The following PRKCH variants were observed in gnomAD, a reference collection of about 807,000 sequenced individuals.
The protein encoded by PRKCH is protein kinase C eta type.
A neutral mutation model predicts 82.5 loss-of-function variants in PRKCH; 28 were observed. The ratio of observed to expected loss-of-function variants is 0.34; its 90% CI spans 0.25 to 0.47. PRKCH has a LOEUF of 0.47. Among genes scored for constraint, PRKCH ranks in the 20% least tolerant of loss-of-function variants. PRKCH has a pLI of 1.00. For missense variants in PRKCH, 705 were observed against 881.8 expected, an observed-to-expected ratio of 0.80 and a Z score of 2.54; for synonymous variants, 322 against 327.4, an observed-to-expected ratio of 0.98 and a Z score of 0.18.
At chr14:61,282,327 GA>G (rs1175540971) in intron 1 of PRKCH, among the ~76,000 whole-genome samples, 1 of 150,390 alleles carries the variant, frequency 6.6e-6, no homozygotes, top group Non-Finnish European at 1.5e-5. Context: ...GGGGTATTGG[GA>G]CGTTCTGATT....
At chr14:61,270,597 G>T (rs976373396) in intron 1 of PRKCH, among the ~76,000 whole-genome samples, 11 of 152,158 alleles carry the variant, frequency 7.2e-5, no homozygotes, top group Non-Finnish European at 7.3e-5. Context: ...TAATGAGGTC[G>T]CAAATGCTTA....
intron 1 of PRKCH, among the ~76,000 whole-genome samples, chr14:61,365,643 A>G (rs2046288612): frequency 6.6e-6 from 1 of 152,034 alleles, no homozygotes; most frequent in Non-Finnish European, 1.5e-5. Context: ...TTTAAACTGC[A>G]GGCATCTGTG....
chr14:61,250,814 T>C (rs1465366970), intron 1 of PRKCH, among the ~76,000 whole-genome samples: 1 of 152,132 alleles, frequency 6.6e-6, no homozygotes, highest in East Asian at 1.9e-4. Context: ...GGGGAGGTTG[T>C]AGGCATGTGG....
chr14:61,384,441 G>A (rs767445340), intron 1 of PRKCH, among the ~76,000 whole-genome samples: 1 of 150,902 alleles, frequency 6.6e-6, no homozygotes, highest in Non-Finnish European at 1.5e-5. Flanking sequence ...GTGGGGTCTG[G>A]GAATCTTATA....
intron 1 of PRKCH, among the ~76,000 whole-genome samples, chr14:61,331,957 A>G (rs937260598): frequency 2.6e-5 from 4 of 152,226 alleles, no homozygotes; most frequent in African/African-American, 9.6e-5. Context: ...TTGGTTTAGA[A>G]TCAGCCTTAA....
intron 2 of PRKCH, among the ~76,000 whole-genome samples, chr14:61,395,250 G>T (rs567199142): frequency 6.7e-6 from 1 of 149,308 alleles, no homozygotes; most frequent in East Asian, 2.0e-4. Flanking sequence ...TGCAGAGGAC[G>T]TGATGGCTGC....
At chr14:61,290,185 G>A (rs563091682) in intron 1 of PRKCH, among the ~76,000 whole-genome samples, 9 of 151,944 alleles carry the variant, frequency 5.9e-5, no homozygotes, top group Non-Finnish European at 8.8e-5. Flanking sequence ...CTAGCTACTC[G>A]GAAGGCTGAG....
chr14:61,197,884 A>C (rs2044451950), intron 1 of PRKCH, among the ~76,000 whole-genome samples: 1 of 152,198 alleles, frequency 6.6e-6, no homozygotes, highest in Non-Finnish European at 1.5e-5. Flanking sequence ...TTGTCTTCCA[A>C]CTGTAGATAA....
rs914084381 is a variant in PRKCH at position 61,516,803 on chromosome 14, T to C, written c.1434-12272T>C. ...CGTGATTGACATTCTAGAGATAATA[T>C]GAGAAATATTCCAGACCTGACCTTA... On this transcript the variant is annotated intron_variant, in intron 10 of 13. Transcript: ENST00000332981. Among the ~76,000 whole-genome samples the C allele has an allele frequency of 3.3e-5, 5 of 152,168 alleles. 1 individual carries two copies. The highest frequency in any genetic ancestry group is 1.2e-4 in the African/African-American group (5 of 41,408).
intron 11 of PRKCH, 98 bp downstream of exon 11, chr14:61,529,311 G>A (rs899493287): frequency 6.3e-6 from 9 of 1,433,924 alleles, no homozygotes; most frequent in Non-Finnish European, 7.4e-6. Flanking sequence ...AGCTTTGGAG[G>A]CAGCATTGAA....
chr14:61,515,201 G>A (rs2042805227), intron 10 of PRKCH, among the ~76,000 whole-genome samples: 1 of 152,194 alleles, frequency 6.6e-6, no homozygotes, highest in Non-Finnish European at 1.5e-5. Context: ...TGGCTGTACA[G>A]TTGAATTTTA....
chr14:61,204,156 G>A (rs2044504722), intron 1 of PRKCH, among the ~76,000 whole-genome samples: 1 of 151,972 alleles, frequency 6.6e-6, no homozygotes, highest in Admixed American at 6.6e-5. Context: ...AAATACTGCA[G>A]GCTGGGATTC....
intron 10 of PRKCH, among the ~76,000 whole-genome samples, chr14:61,487,949 C>T (rs1264746344): frequency 3.3e-5 from 5 of 152,030 alleles, no homozygotes; most frequent in East Asian, 1.9e-4. Flanking sequence ...GTCAGGAGAT[C>T]GAGACCATCC....
At chr14:61,329,589 G>A (rs1381958788) in intron 1 of PRKCH, among the ~76,000 whole-genome samples, 3 of 152,112 alleles carry the variant, frequency 2.0e-5, no homozygotes, top group Non-Finnish European at 4.4e-5. Flanking sequence ...TGTACCCTGT[G>A]TTCCTCTTGA....
At position 61,280,038 on chromosome 14, in the gene PRKCH, A is replaced by G. The variant is rs2045241996; in HGVS notation, c.-19+92370A>G. 3 of 1,480,224 alleles carry G rather than the reference A, an allele frequency of 2.0e-6. No homozygotes were observed. The highest frequency in any genetic ancestry group is 2.7e-6 in the Non-Finnish European group (3 of 1,103,946). The allele number at this position is 1,480,224 out of a possible 1,614,324, so 91.7% of individuals were successfully genotyped here. On this transcript the variant is annotated intron_variant, in intron 1 of 3. Coordinates refer to the PRKCH transcript ENST00000555185. This position sits in a 1 kb window ranked among gnomAD's most constrained non-coding sequence, Gnocchi z 5.0. ...TGACGGGCGAGGAGGAGATGCCAAA[A>G]GCACCTTGCAAGAGTTTTGGCAAGA...
intron 9 of PRKCH, among the ~76,000 whole-genome samples, chr14:61,477,890 G>C (rs889861287): frequency 5.3e-5 from 8 of 152,206 alleles, no homozygotes; most frequent in African/African-American, 1.7e-4. Context: ...AGCTGCTGCA[G>C]TTGCTGTTTC....
intron 10 of PRKCH, among the ~76,000 whole-genome samples, chr14:61,516,942 A>G (rs1033905240): frequency 3.9e-5 from 6 of 152,166 alleles, no homozygotes; most frequent in Admixed American, 1.3e-4. Flanking sequence ...TTTAATTCCA[A>G]GAGCCTGTGA....
intron 2 of PRKCH, among the ~76,000 whole-genome samples, chr14:61,393,645 G>C (rs1219695052): frequency 6.6e-6 from 1 of 152,264 alleles, no homozygotes; most frequent in Non-Finnish European, 1.5e-5. Context: ...AGTTTAGGAA[G>C]ATGTGAGGGC....
intron 1 of PRKCH, among the ~76,000 whole-genome samples, chr14:61,330,828 C>G (rs537240927): frequency 9.9e-5 from 15 of 152,216 alleles, no homozygotes; most frequent in Non-Finnish European, 1.8e-4. Context: ...AACCAAAGTT[C>G]CAGCCAAATC....
Sources: gnomAD v4.1 joint callset for allele counts (sites outside exome capture counted in the v4.1 genomes callset) on GRCh38, gnomAD v4.1.1 for gene constraint, Gnocchi (gnomAD v3.1) non-coding constraint, MANE v1.5 for transcripts, NCBI Gene and HGNC (gene_info 2026-07-23, HGNC 2026-07-21) for gene names.